The following PRKN variants were observed in gnomAD, a reference collection of about 807,000 sequenced individuals.
The protein encoded by PRKN is parkin RBR E3 ubiquitin protein ligase.
A neutral mutation model predicts 59.5 loss-of-function variants in PRKN; 56 were observed. The ratio of observed to expected loss-of-function variants is 0.94; its 90% confidence interval spans 0.76 to 1.18. The LOEUF (loss-of-function observed/expected upper bound fraction) is 1.18, where lower values mean the gene tolerates loss of function less well. Ranked by LOEUF, PRKN falls within the 50% of genes most tolerant of loss-of-function variation. The pLI is 0.00. For synonymous variants in PRKN, 250 were observed against 222.1 expected (o/e 1.13, Z -1.12); for missense variants, 657 against 596.4 (o/e 1.10, Z -1.06).
chr6:162,671,440 A>G (rs1044881541), intron 1 of PRKN, among the ~76,000 whole-genome samples: 1 of 151,030 alleles, frequency 6.6e-6, no homozygotes, highest in African/African-American at 2.4e-5. Context: ...CGGAGGATGC[A>G]GTGAGCCGAG....
At chr6:161,716,344 G>A (rs911523729) in intron 7 of PRKN, among the ~76,000 whole-genome samples, 2 of 152,150 alleles carry the variant, frequency 1.3e-5, no homozygotes. Flanking sequence ...ATGAAATATA[G>A]CTGGCTGCAT....
At chr6:161,542,300 T>G (rs1779643755) in intron 9 of PRKN, among the ~76,000 whole-genome samples, 1 of 152,208 alleles carries the variant, frequency 6.6e-6, no homozygotes, top group Non-Finnish European at 1.5e-5. Flanking sequence ...GTTTAAGCTA[T>G]CTGCCGACTT....
intron 1 of PRKN, among the ~76,000 whole-genome samples, chr6:162,600,411 T>C (rs1286327631): frequency 1.3e-5 from 2 of 152,214 alleles, no homozygotes; most frequent in African/African-American, 4.8e-5. Context: ...TTTGGGGCTA[T>C]TATGAATAAA....
At chr6:161,670,987 T>A (rs2024687) in intron 7 of PRKN, among the ~76,000 whole-genome samples, 96,456 of 151,948 alleles carry the variant, frequency 0.63, 31,811 homozygotes, top group East Asian at 0.77. Flanking sequence ...TTGGGGGACA[T>A]AATTCGACCC....
At chr6:162,028,992 T>C (rs111513044) in intron 5 of PRKN, among the ~76,000 whole-genome samples, 5 of 152,236 alleles carry the variant, frequency 3.3e-5, no homozygotes, top group Non-Finnish European at 7.3e-5. Context: ...GGATGGAATG[T>C]ACCAGAAATT....
intron 8 of PRKN, 65 bp downstream of exon 8, chr6:161,569,290 C>A: frequency 6.8e-7 from 1 of 1,479,852 alleles, no homozygotes; most frequent in South Asian, 1.1e-5. Flanking sequence ...CTGGGGAGCC[C>A]AAACTGTCTC....
rs1374553339 is a variant in PRKN, at chr6:162,056,904, G to A, written c.535-2730C>T. 6.6e-6 allele frequency among the ~76,000 whole-genome samples: 1 copy of A among 152,084 alleles called. No homozygotes were observed. Among genetic ancestry groups the A allele is most frequent in the African/African-American group, 2.4e-5 (1 of 41,412 alleles). ...ACTGAGTGCCTCTCGAGTGACCACT[G>A]GGGGAGGACTCAGAGCCTTGCCTGC... is the stretch of plus-strand genomic sequence containing the variant. On this transcript the variant is annotated intron_variant, in intron 4 of 11. Coordinates refer to ENST00000366898, the MANE Select transcript of PRKN (RefSeq NM_004562.3). The surrounding 1 kb of genome is among the most constrained non-coding windows in gnomAD (Gnocchi z 4.9).
chr6:161,555,336 C>G (rs998778427), intron 8 of PRKN, among the ~76,000 whole-genome samples: 1 of 152,154 alleles, frequency 6.6e-6, no homozygotes, highest in Non-Finnish European at 1.5e-5. Flanking sequence ...TTTTGTTCTA[C>G]ATTCGCTGCA....
chr6:161,689,941 C>G (rs2128175240), intron 7 of PRKN, among the ~76,000 whole-genome samples: 1 of 51,348 alleles, frequency 1.9e-5, no homozygotes, highest in South Asian at 7.8e-4. Context: ...AGCTCCTGAC[C>G]TCAAGGGATA....
chr6:162,474,231 G>A (rs879533510), intron 1 of PRKN, among the ~76,000 whole-genome samples: 5 of 152,250 alleles, frequency 3.3e-5, no homozygotes, highest in Admixed American at 2.6e-4. Context: ...GGGAAGATAC[G>A]CCAGCATAAT....
intron 1 of PRKN, among the ~76,000 whole-genome samples, chr6:162,610,823 G>A (rs1025200798): frequency 4.0e-5 from 6 of 151,884 alleles, no homozygotes; most frequent in Non-Finnish European, 7.4e-5. Flanking sequence ...TAATTCATTC[G>A]AGATTTTATG....
intron 7 of PRKN, among the ~76,000 whole-genome samples, chr6:161,747,161 A>T (rs1394389360): frequency 1.3e-5 from 2 of 152,164 alleles, no homozygotes; most frequent in Non-Finnish European, 2.9e-5. Flanking sequence ...TGAAGACTGA[A>T]AATTTAAAAA....
intron 7 of PRKN, among the ~76,000 whole-genome samples, chr6:161,689,666 C>A (rs1018057909): frequency 2.0e-5 from 3 of 152,110 alleles, no homozygotes; most frequent in African/African-American, 7.2e-5. Context: ...CCAGCTTAAT[C>A]ATTTATCCGA....
chr6:162,259,747 A>G (rs1779807003), intron 3 of PRKN, among the ~76,000 whole-genome samples: 1 of 151,594 alleles, frequency 6.6e-6, no homozygotes, highest in Non-Finnish European at 1.5e-5. Flanking sequence ...TGAATGACTG[A>G]CTATGTTTAC....
At chr6:162,569,053 G>T in intron 1 of PRKN, 1 of 686,340 alleles carries the variant, frequency 1.5e-6, no homozygotes. Context: ...GTGCTGTCCA[G>T]GACAACAGCC....
intron 7 of PRKN, among the ~76,000 whole-genome samples, chr6:161,637,630 G>A (rs913588004): frequency 6.6e-6 from 1 of 150,754 alleles, no homozygotes; most frequent in Non-Finnish European, 1.5e-5. Flanking sequence ...CAACTCTAAA[G>A]AATTGCTTAA....
chr6:161,844,828 T>C (rs1476933818), intron 6 of PRKN, among the ~76,000 whole-genome samples: 1 of 152,258 alleles, frequency 6.6e-6, no homozygotes, highest in Non-Finnish European at 1.5e-5. Flanking sequence ...TGCCTCCTGG[T>C]GTGCAATGCT....
chr6:162,386,831 T>C (rs577506439), intron 2 of PRKN, among the ~76,000 whole-genome samples: 23 of 152,228 alleles, frequency 1.5e-4, no homozygotes, highest in Non-Finnish European at 2.9e-4. Flanking sequence ...TCAAACTCAA[T>C]CTAAACCTTT....
intron 1 of PRKN, among the ~76,000 whole-genome samples, chr6:162,501,749 G>A (rs565647031): frequency 1.1e-3 from 163 of 152,182 alleles, no homozygotes; most frequent in Non-Finnish European, 1.3e-3. Flanking sequence ...TGATGTCAGA[G>A]GGCAGAACCA....
Sources: gnomAD v4.1 joint callset for allele counts (sites outside exome capture counted in the v4.1 genomes callset) on GRCh38, gnomAD v4.1.1 for gene constraint, Gnocchi (gnomAD v3.1) non-coding constraint, MANE v1.5 for transcripts, NCBI Gene and HGNC (gene_info 2026-07-23, HGNC 2026-07-21) for gene names.